The following TENT4A variants were observed in gnomAD, a reference collection of about 807,000 sequenced individuals.
TENT4A encodes the protein terminal nucleotidyltransferase 4A.
Under a neutral mutation model 72.8 loss-of-function variants are expected in TENT4A, and 7 were observed. The observed-to-expected ratio is 0.10, with a 90% CI of 0.05 to 0.18. TENT4A has a LOEUF of 0.18. TENT4A is among the 10% of genes least tolerant of loss of function. The pLI is 1.00. For missense variants in TENT4A, 831 were observed against 1,017.7 expected (o/e 0.82, Z 2.50); for synonymous variants, 456 against 434.3 (o/e 1.05, Z -0.62).
intron 1 of TENT4A, among the ~76,000 whole-genome samples, chr5:6,729,337 T>C (rs1475151606): frequency 6.6e-6 from 1 of 152,260 alleles, no homozygotes; most frequent in Non-Finnish European, 1.5e-5. Flanking sequence ...TATTGTGTAG[T>C]GTCCCAGGAT....
intron 1 of TENT4A, among the ~76,000 whole-genome samples, chr5:6,734,049 G>A (rs274693): frequency 0.29 from 44,749 of 152,142 alleles, 6,961 homozygotes; most frequent in East Asian, 0.41. Flanking sequence ...GACAAGGTCA[G>A]CAAAATATCT....
At chr5:6,715,447 G>GA (rs1740322860) in intron 1 of TENT4A, among the ~76,000 whole-genome samples, 2 of 152,222 alleles carry the variant, frequency 1.3e-5, no homozygotes, top group Non-Finnish European at 2.9e-5. Flanking sequence ...TGTCCCAGGT[G>GA]AGGCTGTTCA....
At chr5:6,726,438 C>T (rs528904611) in intron 1 of TENT4A, among the ~76,000 whole-genome samples, 2 of 152,242 alleles carry the variant, frequency 1.3e-5, no homozygotes, top group East Asian at 1.9e-4. Flanking sequence ...GGCGACGCCC[C>T]CTGCGTTGCC....
chr5:6,731,163 A>G (rs748269661), intron 1 of TENT4A, among the ~76,000 whole-genome samples: 16 of 152,248 alleles, frequency 1.1e-4, no homozygotes, highest in Non-Finnish European at 2.1e-4. Context: ...CATAGTGAAC[A>G]TTGTGGAGCT....
rs1741856980 is a variant in TENT4A, at chr5:6,742,492, A to G, written c.1011A>G (p.Val337=). 2 of 1,596,880 alleles carry G rather than the reference A, an allele frequency of 1.3e-6. No homozygotes were observed. Among genetic ancestry groups the G allele is most frequent in the Non-Finnish European group, 1.7e-6 (2 of 1,164,212 alleles). ...TTTTTAAAATGAAATCTTTACAGGTACCAATAATAAAGCTCACAGATCAGG... is the reference window on the plus strand; with the variant it reads ...TTTTTAAAATGAAATCTTTACAGGTGCCAATAATAAAGCTCACAGATCAGG... ...CSIKVLDKAT[V]PIIKLTDQET... The change falls in exon 5 of 13, where the codon GTA becomes GTG. Residue 337 remains valine, a splice_region_variant and synonymous_variant. Transcript: ENST00000230859.
rs138987439 is a variant in TENT4A at position 6,751,053 on chromosome 5, G to A, written c.1875G>A (p.Pro625=). The change falls in exon 11 of 13, where the codon CCG becomes CCA. Residue 625 remains proline (P), a synonymous_variant. Coordinates refer to ENST00000230859, the MANE Select transcript of TENT4A (RefSeq NM_006999.6). ...CCGGGTTCAAGGATTCAGACACACCGCCCTGCACAACGCCCAGTGTTTACC... is the reference window on the plus strand; with the variant it reads ...CCGGGTTCAAGGATTCAGACACACCACCCTGCACAACGCCCAGTGTTTACC... ...LSGSDVDSDT[P]PCTTPSVYQF... 3.9e-4 allele frequency: 622 copies of A among 1,613,314 alleles called. No individual in the cohort carries two copies. The highest frequency in any genetic ancestry group is 6.1e-4 in the African/African-American group (46 of 74,950).
At chr5:6,742,872 T>C (rs1741884872) in intron 5 of TENT4A, among the ~76,000 whole-genome samples, 2 of 152,260 alleles carry the variant, frequency 1.3e-5, no homozygotes, top group South Asian at 2.1e-4. Flanking sequence ...TTACAGACTT[T>C]GCTTCTAGCT....
intron 1 of TENT4A, among the ~76,000 whole-genome samples, chr5:6,733,810 C>T (rs1178451953): frequency 6.6e-6 from 1 of 152,074 alleles, no homozygotes; most frequent in Non-Finnish European, 1.5e-5. Context: ...GGCCTGTGGT[C>T]GGCAGGGCTT....
At chr5:6,733,720 G>A (rs567593777) in intron 1 of TENT4A, among the ~76,000 whole-genome samples, 2 of 152,154 alleles carry the variant, frequency 1.3e-5, no homozygotes, top group South Asian at 4.1e-4. Context: ...ACTTTTTGGA[G>A]AATTGAACCA....
chr5:6,726,364 C>CA, intron 1 of TENT4A, among the ~76,000 whole-genome samples: 2 of 152,230 alleles, frequency 1.3e-5, no homozygotes, highest in South Asian at 2.1e-4. Context: ...GGAGGCTTCC[C>CA]GGGACTGCTG....
chr5:6,755,087 T>C lies in TENT4A; in HGVS notation c.*142T>C. 1.6e-6 allele frequency: 1 copy of C among 621,090 alleles called. No individual in the cohort carries two copies. The highest frequency in any genetic ancestry group is 2.6e-6 in the Non-Finnish European group (1 of 382,764). 38.5% of individuals were successfully genotyped at this position (621,090 alleles called of 1,614,324 possible). ...GCCGCTGATCACTCTGCATGTTTCT[T>C]CGTGTGGTGGTCGCGTCCATCTTCA... On this transcript the variant is annotated 3_prime_UTR_variant, in exon 13 of 13. Coordinates refer to ENST00000230859, the MANE Select transcript of TENT4A (RefSeq NM_006999.6).
chr5:6,737,457 A>T lies in TENT4A; in HGVS notation c.717-53A>T, dbSNP rs1404145168. 3.3e-6 allele frequency: 5 copies of T among 1,495,608 alleles called. No individual in the cohort carries two copies. The African/African-American group carries it at 7.0e-5, about 21-fold the overall frequency. The allele number at this position is 1,495,608 out of a possible 1,614,324, so 92.6% of individuals were successfully genotyped here. On this transcript the variant is annotated intron_variant, in intron 1 of 12. Transcript: ENST00000230859. ...ATCCTGATGTAAGAACAGAACAGAA[A>T]ATGTGGTGACATTTCATTGTAACTC... is the stretch of plus-strand genomic sequence containing the variant.
chr5:6,724,401 G>A (rs1372259229), intron 1 of TENT4A, among the ~76,000 whole-genome samples: 1 of 152,144 alleles, frequency 6.6e-6, no homozygotes, highest in Admixed American at 6.5e-5. Context: ...TATAGAAAAG[G>A]ATACCTTGCA....
Position 6,716,842 on chromosome 5 carries a change from CT to C in TENT4A, c.716+2147del, listed in dbSNP as rs547292795. On this transcript the variant is annotated intron_variant, in intron 1 of 12. Coordinates refer to ENST00000230859, the MANE Select transcript of TENT4A (RefSeq NM_006999.6). ...CTGCAGTCATGCTCTTGGAACTTTC[CT>C]TTTCCCCTTTGCTGGAGACCTCTCC... Among the ~76,000 whole-genome samples, 32 of 152,342 alleles carry C rather than the reference CT, an allele frequency of 2.1e-4. 1 individual carries two copies. The South Asian group carries it at 6.2e-3, about 30-fold the overall frequency.
chr5:6,748,282 G>T (rs1206622029), intron 7 of TENT4A, among the ~76,000 whole-genome samples, 182 bp from the exon 8 acceptor site: 1 of 152,228 alleles, frequency 6.6e-6, no homozygotes, highest in African/African-American at 2.4e-5. Flanking sequence ...GATTGACAGG[G>T]CCTTTGCCAG....
intron 6 of TENT4A, 130 bp from the exon 7 acceptor site, chr5:6,746,084 T>G: frequency 6.5e-7 from 1 of 1,535,210 alleles, no homozygotes; most frequent in Non-Finnish European, 8.7e-7. Flanking sequence ...CTCGTGGTGC[T>G]GGTGAGTGAG....
chr5:6,737,332 A>G (rs1249211383), intron 1 of TENT4A, among the ~76,000 whole-genome samples, 178 bp from the exon 2 acceptor site: 1 of 152,238 alleles, frequency 6.6e-6, no homozygotes, highest in African/African-American at 2.4e-5. Context: ...TAGTGTTGCT[A>G]AGTCATACTG....
At chr5:6,753,173 G>T in intron 12 of TENT4A, 136 bp downstream of exon 12, 1 of 839,772 alleles carries the variant, frequency 1.2e-6, no homozygotes, top group Non-Finnish European at 1.8e-6. Context: ...CATTCAGCCT[G>T]TTTGCTTGTC....
intron 1 of TENT4A, among the ~76,000 whole-genome samples, chr5:6,724,183 G>T (rs1184409268): frequency 1.3e-5 from 2 of 152,220 alleles, no homozygotes; most frequent in African/African-American, 2.4e-5. Context: ...GGTCTGCATG[G>T]TATGCAAGCC....
Sources: allele counts gnomAD v4.1 joint callset (sites outside exome capture counted in the v4.1 genomes callset), GRCh38; gene constraint gnomAD v4.1.1; transcripts MANE v1.5; gene names NCBI Gene and HGNC (gene_info 2026-07-23, HGNC 2026-07-21).